The following RAD18 variants were observed in gnomAD, a reference collection of about 807,000 sequenced individuals.
RAD18 encodes E3 ubiquitin-protein ligase RAD18.
RAD18 carries 47 observed loss-of-function variants against 60.4 expected under a neutral mutation model. That is an observed-to-expected ratio of 0.78 (90% CI 0.62 to 0.99). The LOEUF is 0.99. Ranked by LOEUF, RAD18 falls within the 50% of genes least tolerant of loss-of-function variation. RAD18 has a pLI of 0.00. For missense variants in RAD18, 640 were observed against 593.3 expected (o/e 1.08, Z -0.82); for synonymous variants, 225 against 195.5 (o/e 1.15, Z -1.26).
At position 8,941,679 on chromosome 3, in the gene RAD18, C is replaced by G. The variant is rs1462129060; in HGVS notation, c.392G>C (p.Arg131Thr). The change falls in exon 5 of 13, where the codon AGG (arginine) becomes ACG (threonine). Residue 131 changes from arginine to threonine, a missense_variant. Arg to Thr is a moderately conservative substitution (Grantham distance 71). Coordinates refer to ENST00000264926, the MANE Select transcript of RAD18 (RefSeq NM_020165.4). ...ASRQSLKQGSRLMDNFLIREM... is the reference protein window; with the variant it reads ...ASRQSLKQGSTLMDNFLIREM... ...TCTGATCAAGAAATTATCCATTAAC[C>G]TGCTCCCCTGCTTTAAAGACTGTCT... is the stretch of plus-strand genomic sequence containing the variant. The G allele has an allele frequency of 6.2e-7, 1 of 1,614,114 alleles. No homozygotes were observed. The highest frequency in any genetic ancestry group is 8.5e-7 in the Non-Finnish European group (1 of 1,180,014).
Position 8,939,659 on chromosome 3 carries a change from T to C in RAD18, c.605-6A>G. 2 of 1,603,734 alleles carry C rather than the reference T, an allele frequency of 1.2e-6. No individual in the cohort carries two copies. The highest frequency in any genetic ancestry group is 1.1e-5 in the South Asian group (1 of 89,704). On this transcript the variant is annotated splice_region_variant and splice_polypyrimidine_tract_variant and intron_variant, in intron 5 of 12. Transcript: ENST00000264926. ...CCCGCAAACAGGACAATCCACTGTA[T>C]TTTTTAAAAAGAAAAAGAGAGACTT... is the stretch of plus-strand genomic sequence containing the variant.
rs931032950 is a variant in RAD18 at position 8,902,251 on chromosome 3, G to C, written c.1168+129C>G. The C allele has an allele frequency of 2.4e-5, 21 of 865,534 alleles. No individual in the cohort carries two copies. In the African/African-American group the frequency reaches 3.7e-4, roughly 15 times the overall value. 53.6% of individuals were successfully genotyped at this position (865,534 alleles called of 1,614,324 possible). On this transcript the variant is annotated intron_variant, in intron 10 of 12. Transcript: ENST00000264926. ...GTTTACAAACTGCTACATGAAGTTT[G>C]TCTAAAAATACTTTTTCTCATTTCA...
At chr3:8,955,966 T>A (rs1941003600) in intron 2 of RAD18, among the ~76,000 whole-genome samples, 1 of 152,188 alleles carries the variant, frequency 6.6e-6, no homozygotes, top group African/African-American at 2.4e-5. Flanking sequence ...CATACTTACC[T>A]ATGATAAAGT....
At chr3:8,886,918 C>T (rs957924607) in intron 12 of RAD18, among the ~76,000 whole-genome samples, 4 of 152,098 alleles carry the variant, frequency 2.6e-5, no homozygotes, top group African/African-American at 7.2e-5. Context: ...GGGGCCAGAA[C>T]ACGAAAAGCC....
At chr3:8,884,522 T>A (rs1575530092) in intron 12 of RAD18, among the ~76,000 whole-genome samples, 1 of 152,252 alleles carries the variant, frequency 6.6e-6, no homozygotes, top group African/African-American at 2.4e-5. Context: ...TGACTCTTTT[T>A]AAGGCTTAAG....
At chr3:8,924,892 C>A (rs1222437362) in intron 7 of RAD18, among the ~76,000 whole-genome samples, 5 of 152,186 alleles carry the variant, frequency 3.3e-5, no homozygotes, top group African/African-American at 1.2e-4. Context: ...ACCAGAATCT[C>A]TGGGACACAT....
chr3:8,939,894 T>C (rs1050374783), intron 5 of RAD18, among the ~76,000 whole-genome samples: 1 of 152,194 alleles, frequency 6.6e-6, no homozygotes, highest in African/African-American at 2.4e-5. Context: ...AGAAAGAGAC[T>C]GCAAATAAGC....
intron 7 of RAD18, among the ~76,000 whole-genome samples, chr3:8,933,387 G>A (rs541809688): frequency 6.6e-6 from 1 of 152,274 alleles, no homozygotes; most frequent in South Asian, 2.1e-4. Context: ...ATTTCAGTTA[G>A]AGCAATGGCT....
rs561561683 is a variant in RAD18, at chr3:8,899,461, T to A, written c.1169-414A>T. Among the ~76,000 whole-genome samples the A allele has an allele frequency of 8.5e-5, 13 of 152,340 alleles. No individual in the cohort carries two copies. The South Asian group carries it at 2.5e-3, about 29-fold the overall frequency. On this transcript the variant is annotated intron_variant, in intron 10 of 12. Transcript: ENST00000264926. ...AACCACAATATTTGCTACTATTATA[T>A]GATAGTGAATCTATCTGGACATTTT... is the stretch of plus-strand genomic sequence containing the variant.
Position 8,911,796 on chromosome 3 carries a change from A to G in RAD18, c.1027+516T>C, listed in dbSNP as rs75077689. ...TTAAACTAAAATCCAACCACCACAC[A>G]AAGAGTAACAGCTATCTGACAAAAC... On this transcript the variant is annotated intron_variant, in intron 9 of 12. Coordinates refer to ENST00000264926, the MANE Select transcript of RAD18 (RefSeq NM_020165.4). 4.1e-3 allele frequency among the ~76,000 whole-genome samples: 625 copies of G among 152,354 alleles called. 11 individuals are homozygous for G. The highest frequency in any genetic ancestry group is 0.033 in the East Asian group (171 of 5,190).
At chr3:8,925,051 A>T (rs1431104530) in intron 7 of RAD18, among the ~76,000 whole-genome samples, 1 of 151,912 alleles carries the variant, frequency 6.6e-6, no homozygotes, top group African/African-American at 2.4e-5. Context: ...GGCAAGAAAT[A>T]ACTAAGATCA....
Position 8,878,089 on chromosome 3 carries a change from C to G in RAD18, c.*3268G>C, listed in dbSNP as rs565368218. 1 of 152,254 alleles carries G rather than the reference C, an allele frequency of 6.6e-6. No homozygotes were observed. Among genetic ancestry groups the G allele is most frequent in the Non-Finnish European group, 1.5e-5 (1 of 68,184 alleles). 9.4% of individuals were successfully genotyped at this position (152,254 alleles called of 1,614,324 possible). The stretch of plus-strand genomic sequence containing the variant: ...GGTAGGACTTTCCAGCAGGGCCAGC[C>G]GCAGTGCACGTGACAGAGCAGCGGT... On this transcript the variant is annotated 3_prime_UTR_variant, in exon 13 of 13. Transcript: ENST00000264926.
intron 11 of RAD18, among the ~76,000 whole-genome samples, chr3:8,897,433 G>A (rs1939806629): frequency 6.6e-6 from 1 of 152,180 alleles, no homozygotes; most frequent in Non-Finnish European, 1.5e-5. Context: ...GAGGGGTTGA[G>A]TATGAAGCTG....
At chr3:8,882,110 A>G (rs1311106927) in intron 12 of RAD18, among the ~76,000 whole-genome samples, 1 of 149,372 alleles carries the variant, frequency 6.7e-6, no homozygotes, top group African/African-American at 2.5e-5. Flanking sequence ...GAGAGGGGCC[A>G]CTTCAGTGGC....
intron 9 of RAD18, among the ~76,000 whole-genome samples, chr3:8,911,426 T>C (rs1940103648): frequency 6.6e-6 from 1 of 152,200 alleles, no homozygotes; most frequent in Non-Finnish European, 1.5e-5. Flanking sequence ...TTCTCCTTTC[T>C]AAAGAAAAAT....
intron 11 of RAD18, among the ~76,000 whole-genome samples, chr3:8,893,461 A>G (rs1158416851): frequency 6.6e-6 from 1 of 152,186 alleles, no homozygotes; most frequent in Non-Finnish European, 1.5e-5. Flanking sequence ...GTACTTAAAT[A>G]AATTCTGTCA....
At position 8,912,269 on chromosome 3, in the gene RAD18, C is replaced by A. The variant is rs770360102; in HGVS notation, c.1027+43G>T. 2.2e-6 allele frequency: 3 copies of A among 1,364,930 alleles called. No homozygotes were observed. The Admixed American group carries it at 7.5e-5, about 34-fold the overall frequency. The allele number at this position is 1,364,930 out of a possible 1,614,324, so 84.6% of individuals were successfully genotyped here. The stretch of plus-strand genomic sequence containing the variant: ...AAAAATTACTTAAGATGAAAAACAG[C>A]AACTGAAGCTCTTTACAAATTAAAT... On this transcript the variant is annotated intron_variant, in intron 9 of 12. Coordinates refer to ENST00000264926, the MANE Select transcript of RAD18 (RefSeq NM_020165.4).
Position 8,941,663 on chromosome 3 carries a change from G to A in RAD18, c.408C>T (p.Phe136=). ...LKQGSRLMDN[F]LIREMSGSTS... ...TAGAACCACTCATTTCTCTGATCAA[G>A]AAATTATCCATTAACCTGCTCCCCT... The change falls in exon 5 of 13, where the codon TTC becomes TTT. Residue 136 remains phenylalanine (F), a synonymous_variant. Transcript: ENST00000264926. 6.2e-7 allele frequency: 1 copy of A among 1,614,146 alleles called. No homozygotes were observed. Among genetic ancestry groups the A allele is most frequent in the South Asian group, 1.1e-5 (1 of 91,086 alleles).
chr3:8,961,205 A>C (rs1253054627), intron 1 of RAD18, among the ~76,000 whole-genome samples: 3 of 152,316 alleles, frequency 2.0e-5, no homozygotes, highest in South Asian at 4.1e-4. Context: ...ATTTCTTGTC[A>C]TGTCACTCCA....
Sources: gnomAD v4.1 joint callset for allele counts (sites outside exome capture counted in the v4.1 genomes callset) on GRCh38, gnomAD v4.1.1 for gene constraint, MANE v1.5 for transcripts, NCBI Gene and HGNC (gene_info 2026-07-23, HGNC 2026-07-21) for gene names.